The following TADA3 variants were observed in gnomAD, a reference collection of about 807,000 sequenced individuals.
TADA3 encodes transcriptional adapter 3.
A neutral mutation model predicts 43.2 loss-of-function variants in TADA3; 25 were observed. That is an observed-to-expected ratio of 0.58 (90% CI 0.42 to 0.81). The LOEUF (loss-of-function observed/expected upper bound fraction) is 0.81. TADA3 is among the 30% of genes least tolerant of loss of function. The probability of loss-of-function intolerance (pLI) is 0.00; values close to 1 mark genes in which losing one functional copy is unlikely to be tolerated. For missense variants in TADA3, 441 were observed against 567.8 expected (o/e 0.78, Z 2.27); for synonymous variants, 235 against 225.5 (o/e 1.04, Z -0.38).
At chr3:9,793,009 G>A, upstream of TADA3, 1 of 1,522,736 alleles carries the variant, frequency 6.6e-7, no homozygotes, top group Non-Finnish European at 8.8e-7. Flanking sequence ...GAGCATAGAT[G>A]GTACCGTCCG....
At position 9,780,062 on chromosome 3, in the gene TADA3, A is replaced by C; in HGVS notation, c.*295T>G. On this transcript the variant is annotated 3_prime_UTR_variant, in exon 9 of 9. Transcript: ENST00000301964. ...CTTGAAGGGGAGACAGGGGTAGGGG[A>C]TTAGGGAGTGGGGGATGGTAAAGAG... The C allele has an allele frequency of 3.2e-6, 1 of 311,634 alleles. No homozygotes were observed. Among genetic ancestry groups the C allele is most frequent in the Non-Finnish European group, 5.9e-6 (1 of 169,356 alleles). 19.3% of individuals were successfully genotyped at this position (311,634 alleles called of 1,614,324 possible). A position where few individuals can be genotyped will look rare whatever the true frequency, so the allele number is the denominator to read the frequency against.
intron 6 of TADA3, among the ~76,000 whole-genome samples, chr3:9,785,942 G>T (rs947873201): frequency 3.7e-4 from 54 of 144,106 alleles, no homozygotes; most frequent in South Asian, 6.6e-4. Flanking sequence ...GTTTTGTTTT[G>T]TTTTTTTTTT....
In TADA3 at chr3:9,780,290, A is replaced by C. The variant is rs1666055500; in HGVS notation, c.*67T>G. 1 of 1,508,698 alleles carries C rather than the reference A, an allele frequency of 6.6e-7. No individual in the cohort carries two copies. Among genetic ancestry groups the C allele is most frequent in the South Asian group, 1.2e-5 (1 of 80,572 alleles). The allele number at this position is 1,508,698 out of a possible 1,614,324, so 93.5% of individuals were successfully genotyped here. ...CCACAGGCCAATGTTTCCTGTGCCC[A>C]AAGAAGGAAGTGGGCCTCCCTTCCC... On this transcript the variant is annotated 3_prime_UTR_variant, in exon 9 of 9. Coordinates refer to ENST00000301964, the MANE Select transcript of TADA3 (RefSeq NM_006354.5).
In TADA3 at chr3:9,791,725, G is replaced by A. The variant is rs866875465; in HGVS notation, c.-27-232C>T. On this transcript the variant is annotated intron_variant, in intron 1 of 8. Transcript: ENST00000301964. Reference sequence around the variant, plus strand: ...CAGCACCATGAACAAGGACCATTGTGATCTCGTTTTTACAGAGAAAGAAAC... The same window carrying A: ...CAGCACCATGAACAAGGACCATTGTAATCTCGTTTTTACAGAGAAAGAAAC... Among the ~76,000 whole-genome samples, 12 of 152,188 alleles carry A rather than the reference G, an allele frequency of 7.9e-5. No homozygotes were observed. The East Asian group carries it at 1.5e-3, about 20-fold the overall frequency.
At chr3:9,792,669 C>G, upstream of TADA3, 1 of 1,232,846 alleles carries the variant, frequency 8.1e-7, no homozygotes, top group Non-Finnish European at 1.0e-6. Flanking sequence ...GAGATCTCCG[C>G]GCTGCAGTTA....
intron 7 of TADA3, among the ~76,000 whole-genome samples, chr3:9,784,631 G>A (rs542842377): frequency 7.2e-4 from 110 of 152,074 alleles, no homozygotes; most frequent in African/African-American, 2.4e-3. Context: ...TTGGAAGGCC[G>A]AGGTGGGAGG....
At chr3:9,786,377 C>G (rs1475804517) in intron 6 of TADA3, among the ~76,000 whole-genome samples, 1 of 152,182 alleles carries the variant, frequency 6.6e-6, no homozygotes, top group Non-Finnish European at 1.5e-5. Context: ...CTTAGATAAC[C>G]TGCAACATGT....
At position 9,787,076 on chromosome 3, in the gene TADA3, T is replaced by C. The variant is rs774065513; in HGVS notation, c.740A>G (p.Gln247Arg). The stretch of plus-strand genomic sequence containing the variant: ...GCATCCATCTTCCGGCTGTTCATGC[T>C]GGGCCTCAGACTTCTTCAGCAGGGC... The part of the protein sequence containing the change: ...VDALLKKSEA[Q>R]HEQPEDGCPF... The change falls in exon 6 of 9, where the codon CAG (glutamine) becomes CGG (arginine). Residue 247 changes from glutamine to arginine, a missense_variant. Coordinates refer to ENST00000301964, the MANE Select transcript of TADA3 (RefSeq NM_006354.5). The C allele has an allele frequency of 1.2e-6, 2 of 1,614,234 alleles. No homozygotes were observed. The highest frequency in any genetic ancestry group is 2.2e-5 in the South Asian group (2 of 91,084).
Position 9,791,254 on chromosome 3 carries a change from T to C in TADA3, c.207+6A>G. 6.2e-7 allele frequency: 1 copy of C among 1,610,094 alleles called. No individual in the cohort carries two copies. The highest frequency in any genetic ancestry group is 8.5e-7 in the Non-Finnish European group (1 of 1,178,664). ...TCTGGTGCTGGCCCCTCTCTGGGGT[T>C]ATCACCTGGGTTTCGGCCTCAAGCA... On this transcript the variant is annotated splice_donor_region_variant and intron_variant, in intron 2 of 8. Transcript: ENST00000301964.
In TADA3 at chr3:9,792,211, C is replaced by T. The variant is rs1250078003; in HGVS notation, c.-28+5G>A. 6.5e-6 allele frequency: 1 copy of T among 152,962 alleles called. No individual in the cohort carries two copies. The highest frequency in any genetic ancestry group is 1.5e-5 in the Non-Finnish European group (1 of 68,586). The allele number at this position is 152,962 out of a possible 1,614,324, so 9.5% of individuals were successfully genotyped here. A position where few individuals can be genotyped will look rare whatever the true frequency, so the allele number is the denominator to read the frequency against. ...CTGAAAAATGGGGATAACAATAGTACCTACCTCCCTGGGATGTTCTGAGGA... is the reference window on the plus strand; with the variant it reads ...CTGAAAAATGGGGATAACAATAGTATCTACCTCCCTGGGATGTTCTGAGGA... On this transcript the variant is annotated splice_donor_5th_base_variant and intron_variant, in intron 1 of 8. Transcript: ENST00000301964.
chr3:9,789,777 C>A lies in TADA3; in HGVS notation c.394G>T (p.Glu132Ter). The A allele has an allele frequency of 6.2e-7, 1 of 1,614,224 alleles. No individual in the cohort carries two copies. The highest frequency in any genetic ancestry group is 8.5e-7 in the Non-Finnish European group (1 of 1,180,046). ...ATAGGGTCATCAGTGAATTCATATT[C>A]CTGGATCTTGGGCTGAAGGTTTTTG... ...KSKNLQPKIQ[E>*]YEFTDDPIDV... The change falls in exon 3 of 9, where the codon GAA becomes TAA. Residue 132 changes from glutamate to a stop codon, truncating the protein, a stop_gained. Transcript: ENST00000301964. LOFTEE classifies it high-confidence loss of function.
intron 4 of TADA3, among the ~76,000 whole-genome samples, chr3:9,788,760 G>T (rs1262124097): frequency 1.3e-5 from 2 of 151,258 alleles, no homozygotes; most frequent in African/African-American, 4.9e-5. Flanking sequence ...GGCTGGTCTT[G>T]AACTCCTGAC....
chr3:9,787,476 G>C (rs1221306556), intron 4 of TADA3, 136 bp from the exon 5 acceptor site: 1 of 1,293,390 alleles, frequency 7.7e-7, no homozygotes, highest in Non-Finnish European at 1.0e-6. Context: ...GTGTAGGTAA[G>C]AAAGTACAAC....
chr3:9,781,504 T>TTG (rs1460563129), intron 8 of TADA3: 8 of 456,148 alleles, frequency 1.8e-5, no homozygotes, highest in African/African-American at 4.0e-5. Flanking sequence ...TTAAACACTG[T>TTG]TGTTTCAGGT....
At chr3:9,782,433 G>A (rs2078497958) in intron 8 of TADA3, among the ~76,000 whole-genome samples, 1 of 152,162 alleles carries the variant, frequency 6.6e-6, no homozygotes, top group African/African-American at 2.4e-5. Flanking sequence ...TTGAGAGAGT[G>A]TACATAAAGC....
intron 8 of TADA3, chr3:9,781,500 A>C (rs1401371098): frequency 2.2e-6 from 1 of 456,034 alleles, no homozygotes; most frequent in East Asian, 6.9e-5. Flanking sequence ...GTTTTTAAAC[A>C]CTGTTGTTTC....
Position 9,780,156 on chromosome 3 carries a change from T to C in TADA3, c.*201A>G, listed in dbSNP as rs2078425931. 3.9e-6 allele frequency: 2 copies of C among 506,340 alleles called. No individual in the cohort carries two copies. Among genetic ancestry groups the C allele is most frequent in the Non-Finnish European group, 6.9e-6 (2 of 289,940 alleles). The allele number at this position is 506,340 out of a possible 1,614,324, so 31.4% of individuals were successfully genotyped here. ...TCGGGGACCAAGCAGAGACTAGGCC[T>C]CAGGCTAGCCCAGCAGGGCTTCCTG... On this transcript the variant is annotated 3_prime_UTR_variant, in exon 9 of 9. Transcript: ENST00000301964.
rs1313749538 is a variant in TADA3, at chr3:9,785,363, C to A, written c.873G>T (p.Gly291=). The A allele has an allele frequency of 2.5e-6, 4 of 1,614,042 alleles. No individual in the cohort carries two copies. The highest frequency in any genetic ancestry group is 3.4e-6 in the Non-Finnish European group (4 of 1,179,966). The stretch of plus-strand genomic sequence containing the variant: ...GAGGGGAGGTGCTTGCCCCGTCAGC[C>A]CCTGATTCTTTCCCAGACATGTCAG... ...PIPDMSGKES[G]ADGASTSPRN... is the part of the protein sequence containing the mutation. The change falls in exon 7 of 9, where the codon GGG becomes GGT. Residue 291 remains glycine, a synonymous_variant. Coordinates refer to ENST00000301964, the MANE Select transcript of TADA3 (RefSeq NM_006354.5).
chr3:9,787,552 C>T, intron 4 of TADA3: 1 of 965,962 alleles, frequency 1.0e-6, no homozygotes, highest in South Asian at 1.7e-5. Context: ...AAGACACACA[C>T]ACAGAAGCCA....
Sources: gnomAD v4.1 joint callset for allele counts (sites outside exome capture counted in the v4.1 genomes callset) on GRCh38, gnomAD v4.1.1 for gene constraint, MANE v1.5 for transcripts, NCBI Gene and HGNC (gene_info 2026-07-23, HGNC 2026-07-21) for gene names.